Variants in LHFPL4 observed in about 807,000 individuals in gnomAD.
LHFPL4 encodes LHFPL tetraspan subfamily member 4 protein.
LHFPL4 carries 6 observed loss-of-function variants against 20.0 expected under a neutral mutation model. That is an observed-to-expected ratio of 0.30 (90% CI 0.16 to 0.59). LHFPL4 has a LOEUF of 0.59. LHFPL4 is among the 20% of genes least tolerant of loss of function. LHFPL4 has a pLI of 0.88. For missense variants in LHFPL4, 215 were observed against 331.2 expected (o/e 0.65, Z 2.72); for synonymous variants, 129 against 143.8 (o/e 0.90, Z 0.74).
intron 2 of LHFPL4, among the ~76,000 whole-genome samples, chr3:9,508,119 G>T (rs1031495592): frequency 6.6e-6 from 1 of 152,298 alleles, no homozygotes; most frequent in South Asian, 2.1e-4. Flanking sequence ...AGTCCCCAGG[G>T]TGGGAAGGGG....
Position 9,499,979 on chromosome 3 carries a change from CA to C in LHFPL4, c.*2231del, listed in dbSNP as rs1269476366. Reference sequence around the variant, plus strand: ...TTCATCCATTTCCCCTCCCCCACCCCAAGCTCTCGGGCAGCCTCTCAGCTGG... The same window carrying C: ...TTCATCCATTTCCCCTCCCCCACCCCAGCTCTCGGGCAGCCTCTCAGCTGG... On this transcript the variant is annotated 3_prime_UTR_variant, in exon 4 of 4. Coordinates refer to ENST00000287585, the MANE Select transcript of LHFPL4 (RefSeq NM_198560.3). 1.3e-5 allele frequency: 2 copies of C among 152,590 alleles called. No homozygotes were observed. The highest frequency in any genetic ancestry group is 2.9e-5 in the Non-Finnish European group (2 of 68,600). The allele number at this position is 152,590 out of a possible 1,614,324, so 9.5% of individuals were successfully genotyped here.
intron 2 of LHFPL4, among the ~76,000 whole-genome samples, chr3:9,521,445 G>C (rs1052790731): frequency 6.6e-6 from 1 of 150,690 alleles, no homozygotes; most frequent in Non-Finnish European, 1.5e-5. Context: ...TCTGCTGCTG[G>C]GGCTGGAGTG....
Position 9,498,949 on chromosome 3 carries a change from A to G in LHFPL4, c.*3262T>C, listed in dbSNP as rs2046151000. The G allele has an allele frequency of 6.6e-6, 1 of 152,110 alleles. No homozygotes were observed. The highest frequency in any genetic ancestry group is 2.4e-5 in the African/African-American group (1 of 41,322). 9.4% of individuals were successfully genotyped at this position (152,110 alleles called of 1,614,324 possible). On this transcript the variant is annotated 3_prime_UTR_variant, in exon 4 of 4. Transcript: ENST00000287585. ...TTTCATAGCCCCGGTTCCCAGAAGGACTCAACTGACCAGACTGTGGGCCAG... is the reference window on the plus strand; with the variant it reads ...TTTCATAGCCCCGGTTCCCAGAAGGGCTCAACTGACCAGACTGTGGGCCAG...
chr3:9,541,059 C>G (rs954516117), intron 2 of LHFPL4, among the ~76,000 whole-genome samples: 1 of 151,912 alleles, frequency 6.6e-6, no homozygotes, highest in Admixed American at 6.6e-5. Flanking sequence ...CCTGCCTCAG[C>G]CTCCCTGAGT....
chr3:9,505,133 C>A (rs1012064122), intron 3 of LHFPL4, among the ~76,000 whole-genome samples: 4 of 152,284 alleles, frequency 2.6e-5, no homozygotes, highest in Admixed American at 1.3e-4. Flanking sequence ...CCACCAGCGC[C>A]CTTGAACGCT....
Position 9,498,603 on chromosome 3 carries a change from C to T in LHFPL4, c.*3608G>A, listed in dbSNP as rs1309389751. The T allele has an allele frequency of 2.0e-5, 3 of 152,826 alleles. No homozygotes were observed. Among genetic ancestry groups the T allele is most frequent in the Middle Eastern group, 3.4e-3 (1 of 294 alleles). The allele number at this position is 152,826 out of a possible 1,614,324, so 9.5% of individuals were successfully genotyped here. On this transcript the variant is annotated 3_prime_UTR_variant, in exon 4 of 4. Transcript: ENST00000287585. The stretch of plus-strand genomic sequence containing the variant: ...GCTCTGCGGAAGGCTCCCTTGTTCC[C>T]TGTTCAGGAAACTCCAGTCCCACCC...
intron 2 of LHFPL4, among the ~76,000 whole-genome samples, chr3:9,524,100 G>T (rs2046358889): frequency 6.7e-6 from 1 of 149,436 alleles, no homozygotes; most frequent in Non-Finnish European, 1.5e-5. Context: ...GTTTTTTGTT[G>T]TTTTTTGTTG....
At chr3:9,527,405 CT>C (rs907815930) in intron 2 of LHFPL4, among the ~76,000 whole-genome samples, 7 of 151,820 alleles carry the variant, frequency 4.6e-5, no homozygotes, top group Admixed American at 1.3e-4. Context: ...TCTGACACTA[CT>C]AAAAAAAATA....
intron 2 of LHFPL4, among the ~76,000 whole-genome samples, chr3:9,549,199 T>A (rs1282339674): frequency 1.3e-5 from 2 of 152,148 alleles, no homozygotes. Flanking sequence ...GACAGTATGC[T>A]CCCTGAGAGC....
At chr3:9,550,992 G>C (rs1323757332) in intron 2 of LHFPL4, 1 of 152,184 alleles carries the variant, frequency 6.6e-6, no homozygotes, top group Non-Finnish European at 1.5e-5. Flanking sequence ...TTATCAATTT[G>C]ATGACCCATC....
intron 3 of LHFPL4, 82 bp from the exon 4 acceptor site, chr3:9,502,393 A>G (rs2046183424): frequency 9.5e-7 from 1 of 1,057,286 alleles, no homozygotes; most frequent in Non-Finnish European, 1.4e-6. Context: ...TTCCTTGCAC[A>G]TTCCCCAGGG....
At chr3:9,549,784 C>G (rs1197124573) in intron 2 of LHFPL4, among the ~76,000 whole-genome samples, 2 of 152,218 alleles carry the variant, frequency 1.3e-5, no homozygotes, top group East Asian at 3.8e-4. Flanking sequence ...CTTTGATTCT[C>G]CACAGTTCCT....
At chr3:9,551,910 T>C (rs1274182128) in intron 2 of LHFPL4, among the ~76,000 whole-genome samples, 1 of 152,154 alleles carries the variant, frequency 6.6e-6, no homozygotes, top group Non-Finnish European at 1.5e-5. Context: ...CATGCTTTTT[T>C]TCAACATAAC....
intron 2 of LHFPL4, among the ~76,000 whole-genome samples, chr3:9,517,730 T>G (rs939856928): frequency 6.7e-6 from 1 of 148,562 alleles, no homozygotes; most frequent in East Asian, 2.0e-4. Context: ...TTCTGGTACA[T>G]AGGAAAATGA....
At chr3:9,543,876 C>T (rs891622552) in intron 2 of LHFPL4, among the ~76,000 whole-genome samples, 1 of 151,656 alleles carries the variant, frequency 6.6e-6, no homozygotes, top group African/African-American at 2.4e-5. Context: ...GAATTACAGG[C>T]GTGTGCCACC....
chr3:9,553,519 T>G (rs1335742879), intron 1 of LHFPL4, among the ~76,000 whole-genome samples, 166 bp downstream of exon 1: 1 of 123,226 alleles, frequency 8.1e-6, no homozygotes, highest in Admixed American at 9.2e-5. Flanking sequence ...CCGGGGCCGG[T>G]GAGCAGCGGG....
At chr3:9,526,246 G>T (rs941614758) in intron 2 of LHFPL4, among the ~76,000 whole-genome samples, 3 of 152,160 alleles carry the variant, frequency 2.0e-5, no homozygotes, top group African/African-American at 7.2e-5. Context: ...TGCGGAGTTA[G>T]TGTTTAATGG....
chr3:9,525,924 T>C (rs1354581130), intron 2 of LHFPL4, among the ~76,000 whole-genome samples: 1 of 152,230 alleles, frequency 6.6e-6, no homozygotes, highest in African/African-American at 2.4e-5. Context: ...GTCCATGCTC[T>C]TAACTACCTC....
intron 2 of LHFPL4, among the ~76,000 whole-genome samples, chr3:9,517,283 A>C (rs2046309580): frequency 6.6e-6 from 1 of 152,276 alleles, no homozygotes; most frequent in East Asian, 1.9e-4. Flanking sequence ...ATTGAATCTA[A>C]AGATCATGTT....
Sources: allele counts gnomAD v4.1 joint callset (sites outside exome capture counted in the v4.1 genomes callset), GRCh38; gene constraint gnomAD v4.1.1; transcripts MANE v1.5; gene names NCBI Gene and HGNC (gene_info 2026-07-23, HGNC 2026-07-21).